TBC1D15: variants seen among roughly 807,000 people sequenced by gnomAD.
The protein encoded by TBC1D15 is GAP for RAB7.
TBC1D15 carries 39 observed loss-of-function variants against 95.4 expected under a neutral mutation model. The ratio of observed to expected loss-of-function variants is 0.41; its 90% confidence interval spans 0.32 to 0.53. TBC1D15 has a LOEUF of 0.53. Ranked by LOEUF, TBC1D15 falls within the 20% of genes least tolerant of loss-of-function variation. The pLI, the probability that TBC1D15 is intolerant of heterozygous loss-of-function variation, is 0.29. For missense variants in TBC1D15, 733 were observed against 794.3 expected (o/e 0.92, Z 0.93); for synonymous variants, 258 against 261.3 (o/e 0.99, Z 0.12).
intron 11 of TBC1D15, among the ~76,000 whole-genome samples, chr12:71,909,799 T>C (rs889532706): frequency 6.6e-6 from 1 of 152,144 alleles, no homozygotes; most frequent in African/African-American, 2.4e-5. Context: ...CTTTAGAAAT[T>C]GTACTGGTGC....
At position 71,843,575 on chromosome 12, in the gene TBC1D15, C is replaced by T. The variant is rs1015680637; in HGVS notation, c.30+3764C>T. 4.6e-5 allele frequency among the ~76,000 whole-genome samples: 7 copies of T among 152,006 alleles called. No individual in the cohort carries two copies. The East Asian group carries it at 9.6e-4, about 21-fold the overall frequency. On this transcript the variant is annotated intron_variant, in intron 1 of 16. Coordinates refer to ENST00000485960, the MANE Select transcript of TBC1D15 (RefSeq NM_001146213.3). The stretch of plus-strand genomic sequence containing the variant: ...TTCTGGCATTCTTTAGTTCAACAAA[C>T]GTTTTAGTACCTCCTATGTGCTGAG...
chr12:71,867,945 A>G (rs1891835475), intron 1 of TBC1D15, among the ~76,000 whole-genome samples: 1 of 152,226 alleles, frequency 6.6e-6, no homozygotes, highest in Non-Finnish European at 1.5e-5. Flanking sequence ...TAAATTATGT[A>G]CCAATGCAAC....
intron 1 of TBC1D15, among the ~76,000 whole-genome samples, chr12:71,859,670 T>C (rs1411619147): frequency 2.0e-5 from 3 of 152,022 alleles, no homozygotes; most frequent in African/African-American, 7.3e-5. Context: ...TGTAGTGGCG[T>C]GATCTCAACT....
intron 12 of TBC1D15, among the ~76,000 whole-genome samples, chr12:71,915,438 G>C (rs1182872114): frequency 7.7e-5 from 10 of 129,854 alleles, no homozygotes; most frequent in Non-Finnish European, 7.8e-5. Flanking sequence ...AATTGCTATA[G>C]TAGATATTCT....
At chr12:71,888,128 T>A (rs1896585519) in intron 5 of TBC1D15, among the ~76,000 whole-genome samples, 1 of 152,198 alleles carries the variant, frequency 6.6e-6, no homozygotes, top group Non-Finnish European at 1.5e-5. Context: ...TCATGTTTCG[T>A]GAGAGTAGCA....
At chr12:71,907,865 A>G (rs1194133884) in intron 11 of TBC1D15, 1 of 152,218 alleles carries the variant, frequency 6.6e-6, no homozygotes, top group Non-Finnish European at 1.5e-5. Context: ...TTTACCAGAA[A>G]TTTGTTGTAA....
Position 71,923,121 on chromosome 12 carries a change from A to C in TBC1D15, c.1942A>C (p.Thr648Pro). The C allele has an allele frequency of 6.2e-7, 1 of 1,614,186 alleles. No individual in the cohort carries two copies. The highest frequency in any genetic ancestry group is 8.5e-7 in the Non-Finnish European group (1 of 1,180,016). The part of the protein sequence containing the change: ...TSAFQSNALP[T>P]LSASGARNDS... ...TGCATTTCAAAGTAATGCCTTGCCT[A>C]CACTCTCTGCCAGTGGAGCCAGAAA... Residue 648 changes from threonine (T) to proline (P), a missense_variant, in exon 17 of 17, where the codon ACA becomes CCA. Transcript: ENST00000485960.
At chr12:71,922,018 A>G (rs1227359295) in intron 16 of TBC1D15, among the ~76,000 whole-genome samples, 2 of 152,124 alleles carry the variant, frequency 1.3e-5, no homozygotes, top group Non-Finnish European at 2.9e-5. Flanking sequence ...GGCTCAAGTG[A>G]TCCTCCTGCC....
intron 1 of TBC1D15, among the ~76,000 whole-genome samples, chr12:71,846,831 G>T (rs1457743732): frequency 2.0e-5 from 3 of 148,052 alleles, no homozygotes; most frequent in African/African-American, 7.5e-5. Context: ...TGTGATCTCG[G>T]CTTACTGCAG....
chr12:71,861,603 T>C (rs904001301), intron 1 of TBC1D15: 26 of 1,018,782 alleles, frequency 2.6e-5, no homozygotes, highest in Admixed American at 7.5e-5. Flanking sequence ...TCTTGGTTTG[T>C]ATAAGTAATG....
rs1332432807 is a variant in TBC1D15, at chr12:71,923,485, A to T, written c.*281A>T. The T allele has an allele frequency of 1.2e-5, 4 of 320,086 alleles. No individual in the cohort carries two copies. In the East Asian group the frequency reaches 2.4e-4, roughly 19 times the overall value. 19.8% of individuals were successfully genotyped at this position (320,086 alleles called of 1,614,324 possible). A position where few individuals can be genotyped will look rare whatever the true frequency, so the allele number is the denominator to read the frequency against. The stretch of plus-strand genomic sequence containing the variant: ...TGAACTGGAATTGGATAAATATTGC[A>T]AGTGGATGAGTTGGAAATTATGCAC... On this transcript the variant is annotated 3_prime_UTR_variant, in exon 17 of 17. Coordinates refer to ENST00000485960, the MANE Select transcript of TBC1D15 (RefSeq NM_001146213.3).
At chr12:71,903,488 A>G (rs1331143235) in intron 10 of TBC1D15, among the ~76,000 whole-genome samples, 3 of 152,202 alleles carry the variant, frequency 2.0e-5, no homozygotes, top group Non-Finnish European at 2.9e-5. Flanking sequence ...AAACAGAACT[A>G]CCATTCGACC....
intron 16 of TBC1D15, 34 bp downstream of exon 16, chr12:71,921,488 T>C: frequency 7.6e-7 from 1 of 1,311,982 alleles, no homozygotes; most frequent in Non-Finnish European, 1.0e-6. Flanking sequence ...CAAGATTTGT[T>C]TGTTTTTGGT....
intron 10 of TBC1D15, among the ~76,000 whole-genome samples, chr12:71,903,345 G>T (rs1175484825): frequency 6.6e-6 from 1 of 152,160 alleles, no homozygotes; most frequent in Admixed American, 6.5e-5. Context: ...CATGATGGCT[G>T]TTACTAAAAA....
intron 3 of TBC1D15, among the ~76,000 whole-genome samples, 172 bp downstream of exon 3, chr12:71,873,175 T>C (rs1321625920): frequency 1.3e-5 from 2 of 152,178 alleles, no homozygotes; most frequent in Non-Finnish European, 2.9e-5. Flanking sequence ...TTTAGAACAT[T>C]TTCATCACCC....
At chr12:71,843,649 A>G (rs1364178690) in intron 1 of TBC1D15, among the ~76,000 whole-genome samples, 1 of 152,014 alleles carries the variant, frequency 6.6e-6, no homozygotes, top group Non-Finnish European at 1.5e-5. Context: ...TATTATTATT[A>G]TTATTGTTAA....
intron 11 of TBC1D15, among the ~76,000 whole-genome samples, chr12:71,911,336 T>C (rs969107378): frequency 3.9e-5 from 6 of 152,044 alleles, no homozygotes; most frequent in Non-Finnish European, 5.9e-5. Context: ...ATGTTTATTG[T>C]GGCACTATTC....
intron 12 of TBC1D15, among the ~76,000 whole-genome samples, chr12:71,915,574 C>T (rs1903512984): frequency 6.6e-6 from 1 of 151,808 alleles, no homozygotes; most frequent in South Asian, 2.1e-4. Context: ...CACATACACA[C>T]ATGCATACAG....
intron 1 of TBC1D15, among the ~76,000 whole-genome samples, chr12:71,846,767 T>A (rs1311614435): frequency 6.7e-6 from 1 of 149,986 alleles, no homozygotes. Flanking sequence ...TTTTTTTTTT[T>A]TTTTTTTGCC....
Sources: gnomAD v4.1 joint callset for allele counts (sites outside exome capture counted in the v4.1 genomes callset) on GRCh38, gnomAD v4.1.1 for gene constraint, MANE v1.5 for transcripts, NCBI Gene and HGNC (gene_info 2026-07-23, HGNC 2026-07-21) for gene names.